KIAA2012: variants seen among roughly 807,000 people sequenced by gnomAD.
KIAA2012 encodes the protein uncharacterized protein KIAA2012.
KIAA2012 carries 125 observed loss-of-function variants against 150.6 expected under a neutral mutation model. The observed-to-expected ratio is 0.83, with a 90% confidence interval of 0.72 to 0.96. The LOEUF is 0.96. KIAA2012 is among the 40% of genes least tolerant of loss of function. The probability of loss-of-function intolerance (pLI) is 0.00; values close to 1 mark genes in which losing one functional copy is unlikely to be tolerated. For missense variants in KIAA2012, 1,219 were observed against 1,354.9 expected (o/e 0.90, Z 1.57); for synonymous variants, 462 against 504.7 (o/e 0.92, Z 1.13).
chr2:202,108,732 G>A (rs1266047046), intron 9 of KIAA2012, among the ~76,000 whole-genome samples: 1 of 152,202 alleles, frequency 6.6e-6, no homozygotes, highest in Non-Finnish European at 1.5e-5. Context: ...TGTAAGTGAT[G>A]TTAAATTTTA....
intron 15 of KIAA2012, among the ~76,000 whole-genome samples, chr2:202,175,894 G>A (rs913252822): frequency 6.6e-6 from 1 of 152,192 alleles, no homozygotes; most frequent in African/African-American, 2.4e-5. Context: ...GAGACAGACA[G>A]AAGAGAATAG....
intron 21 of KIAA2012, among the ~76,000 whole-genome samples, chr2:202,195,413 T>C (rs1692395841): frequency 6.6e-6 from 1 of 151,672 alleles, no homozygotes; most frequent in Admixed American, 6.6e-5. Context: ...AGCTACTTCT[T>C]GGGAGGCTGA....
chr2:202,132,313 G>T (rs1038250557), intron 12 of KIAA2012, among the ~76,000 whole-genome samples: 11 of 152,188 alleles, frequency 7.2e-5, no homozygotes, highest in African/African-American at 2.7e-4. Flanking sequence ...GATTGGAAGA[G>T]ATAAGACTAG....
At position 202,196,883 on chromosome 2, in the gene KIAA2012, C is replaced by T. The variant is rs373216364; in HGVS notation, c.3271C>T (p.Arg1091Ter). ...CCTGATGGAAATGGCTGAAGAGGAA[C>T]GACTGGAGTACCAGCGGCGGAAACA... Reference protein sequence around the residue: ...KHLMEMAEEERLEYQRRKQEA... With the variant: ...KHLMEMAEEE The change falls in exon 22 of 24, where the codon CGA (arginine) becomes TGA (stop). Residue 1091 changes from arginine to a stop codon, truncating the protein, a stop_gained. Transcript: ENST00000498697. LOFTEE classifies it high-confidence loss of function. The T allele has an allele frequency of 6.4e-7, 1 of 1,550,686 alleles. No individual in the cohort carries two copies. Among genetic ancestry groups the T allele is most frequent in the African/African-American group, 1.4e-5 (1 of 73,152 alleles).
chr2:202,120,759 A>AT (rs1430708808), intron 11 of KIAA2012, among the ~76,000 whole-genome samples: 2 of 152,094 alleles, frequency 1.3e-5, no homozygotes, highest in Non-Finnish European at 2.9e-5. Flanking sequence ...CTGTGAGTAG[A>AT]TCCCCCTCAT....
intron 9 of KIAA2012, among the ~76,000 whole-genome samples, chr2:202,108,871 G>A (rs1207939787): frequency 6.6e-6 from 1 of 152,160 alleles, no homozygotes; most frequent in Non-Finnish European, 1.5e-5. Flanking sequence ...AATATTAATA[G>A]CAACTATTGT....
At chr2:202,100,270 C>G (rs988019312) in intron 6 of KIAA2012, 37 bp from the exon 7 acceptor site, 2 of 1,535,116 alleles carry the variant, frequency 1.3e-6, no homozygotes, top group East Asian at 4.9e-5. Flanking sequence ...CCCCTACCTG[C>G]AATTAATATA....
intron 15 of KIAA2012, chr2:202,179,637 T>A: frequency 1.5e-6 from 1 of 658,970 alleles, no homozygotes; most frequent in South Asian, 1.4e-5. Flanking sequence ...GGAGAGTAGC[T>A]TCTGTAATGC....
At chr2:202,144,532 A>C (rs569549903) in intron 13 of KIAA2012, among the ~76,000 whole-genome samples, 1 of 152,342 alleles carries the variant, frequency 6.6e-6, no homozygotes, top group South Asian at 2.1e-4. Context: ...AAAAAACAAA[A>C]GATAAAACAC....
intron 12 of KIAA2012, among the ~76,000 whole-genome samples, chr2:202,126,617 ATGGTGGTGG>A (rs60119764): frequency 0.66 from 95,730 of 146,120 alleles, 31,178 homozygotes; most frequent in African/African-American, 0.71. Flanking sequence ...AATGATGATG[ATGGTGGTGG>A]TGGTGGTGGT....
intron 13 of KIAA2012, among the ~76,000 whole-genome samples, chr2:202,143,231 C>A (rs1018576305): frequency 6.6e-6 from 1 of 151,834 alleles, no homozygotes; most frequent in African/African-American, 2.4e-5. Flanking sequence ...ATTATAGGAT[C>A]ATGCCACCAC....
At chr2:202,196,412 G>A (rs1488494765) in intron 21 of KIAA2012, among the ~76,000 whole-genome samples, 1 of 151,360 alleles carries the variant, frequency 6.6e-6, no homozygotes, top group Non-Finnish European at 1.5e-5. Flanking sequence ...AGCCAGGATG[G>A]TCTCAATCTC....
intron 2 of KIAA2012, among the ~76,000 whole-genome samples, chr2:202,084,365 C>T (rs539335422): frequency 6.6e-6 from 1 of 152,184 alleles, no homozygotes; most frequent in South Asian, 2.1e-4. Context: ...ACAGCCAGTG[C>T]GGGGGAAGGG....
In KIAA2012 at chr2:202,134,039, A is replaced by G. The variant is rs1691012298; in HGVS notation, c.1832-4393A>G. 2.6e-5 allele frequency among the ~76,000 whole-genome samples: 4 copies of G among 152,206 alleles called. No homozygotes were observed. In the South Asian group the frequency reaches 8.3e-4, roughly 31 times the overall value. On this transcript the variant is annotated intron_variant, in intron 12 of 23. Coordinates refer to ENST00000498697, the MANE Select transcript of KIAA2012 (RefSeq NM_001277372.4). ...TTGCATTTTCCATTTATGACCAAAA[A>G]AACACAAAACCATGAAGTGACTGAG...
intron 11 of KIAA2012, among the ~76,000 whole-genome samples, chr2:202,119,695 C>G (rs1690613792): frequency 6.6e-6 from 1 of 152,116 alleles, no homozygotes; most frequent in South Asian, 2.1e-4. Context: ...GCCACTAGAG[C>G]TATGTGACAA....
chr2:202,094,249 C>T (rs528313339), intron 4 of KIAA2012, among the ~76,000 whole-genome samples: 74 of 152,286 alleles, frequency 4.9e-4, no homozygotes, highest in African/African-American at 1.7e-3. Flanking sequence ...CACCACTGCA[C>T]TGCAGCCTGG....
At chr2:202,133,111 T>A (rs10205832) in intron 12 of KIAA2012, among the ~76,000 whole-genome samples, 6,473 of 72,342 alleles carry the variant, frequency 0.089, 551 homozygotes, top group African/African-American at 0.12. Context: ...TAAAAAAAAA[T>A]ATATATATAT....
At chr2:202,182,108 C>CTTTTTTTTTTTTATTT (rs1692132561) in intron 15 of KIAA2012, among the ~76,000 whole-genome samples, 1 of 104,122 alleles carries the variant, frequency 9.6e-6, no homozygotes, top group Non-Finnish European at 2.0e-5. Context: ...TTTCTTTATT[C>CTTTTTTTTTTTTATTT]TTTTTTTTTT....
chr2:202,113,397 C>T lies in KIAA2012; in HGVS notation c.1713C>T (p.Cys571=). 6.4e-7 allele frequency: 1 copy of T among 1,550,584 alleles called. No homozygotes were observed. The highest frequency in any genetic ancestry group is 8.7e-7 in the Non-Finnish European group (1 of 1,146,974). The change falls in exon 11 of 24, where the codon TGC becomes TGT. Residue 571 remains cysteine (C), a synonymous_variant. Coordinates refer to ENST00000498697, the MANE Select transcript of KIAA2012 (RefSeq NM_001277372.4). ...TGGGTCCAGATGGAGAAAAAGTCTG[C>T]CTGTCCCTCCCAGGGCATACCCAAA... ...FLLGPDGEKV[C]LSLPGHTQTE... is the part of the protein sequence containing the mutation.
Sources: allele counts gnomAD v4.1 joint callset (sites outside exome capture counted in the v4.1 genomes callset), GRCh38; gene constraint gnomAD v4.1.1; transcripts MANE v1.5; gene names NCBI Gene and HGNC (gene_info 2026-07-23, HGNC 2026-07-21).